The following CGREF1 variants were observed in gnomAD, a reference collection of about 807,000 sequenced individuals.
CGREF1 encodes the protein cell growth regulator with EF-hand domain 1, also known as cell growth regulator with EF hand domain protein 1.
CGREF1 carries 16 observed loss-of-function variants against 17.4 expected under a neutral mutation model. The observed-to-expected ratio is 0.92, with a 90% CI of 0.62 to 1.40. The LOEUF (loss-of-function observed/expected upper bound fraction) is 1.40. CGREF1 is among the 40% of genes most tolerant of loss of function. CGREF1 has a pLI of 0.00. For synonymous variants in CGREF1, 142 were observed against 154.6 expected, an observed-to-expected ratio of 0.92 and a Z score of 0.61; for missense variants, 296 against 376.4, an observed-to-expected ratio of 0.79 and a Z score of 1.77.
chr2:27,110,353 AAT>A (rs1393179328), intron 1 of CGREF1, among the ~76,000 whole-genome samples: 1 of 152,118 alleles, frequency 6.6e-6, no homozygotes, highest in Admixed American at 6.5e-5. Flanking sequence ...AGTAAGCTGC[AAT>A]TATACCACTA....
chr2:27,112,931 G>T (rs1429439099), intron 1 of CGREF1, among the ~76,000 whole-genome samples: 5 of 152,198 alleles, frequency 3.3e-5, no homozygotes, highest in Non-Finnish European at 5.9e-5. Context: ...TCCACCACCT[G>T]GGCCTCAGCA....
intron 1 of CGREF1, among the ~76,000 whole-genome samples, chr2:27,116,876 T>C (rs187428307): frequency 1.4e-3 from 42 of 30,694 alleles, no homozygotes; most frequent in Non-Finnish European, 2.0e-3. Flanking sequence ...GCCTATTCTC[T>C]CTCTCTCTCT....
At chr2:27,112,829 C>A (rs994892220) in intron 1 of CGREF1, among the ~76,000 whole-genome samples, 1 of 152,170 alleles carries the variant, frequency 6.6e-6, no homozygotes, top group Non-Finnish European at 1.5e-5. Context: ...ATGAAATATA[C>A]CACAAATCAC....
intron 1 of CGREF1, among the ~76,000 whole-genome samples, chr2:27,109,575 T>C (rs1671268521): frequency 6.6e-6 from 1 of 151,990 alleles, no homozygotes; most frequent in Non-Finnish European, 1.5e-5. Context: ...GTGGACATAT[T>C]GATGAACTTT....
At chr2:27,112,263 G>T (rs1469506221) in intron 1 of CGREF1, among the ~76,000 whole-genome samples, 1 of 152,044 alleles carries the variant, frequency 6.6e-6, no homozygotes, top group East Asian at 1.9e-4. Flanking sequence ...GTGACAGAGT[G>T]AGACCCCATT....
At chr2:27,100,023 C>T (rs1283224165), downstream of CGREF1, 3 of 664,426 alleles carry the variant, frequency 4.5e-6, no homozygotes, top group East Asian at 8.2e-5. Flanking sequence ...GAGGCTCTGA[C>T]TCTTCGATCC....
At chr2:27,111,989 C>G (rs1042612769) in intron 1 of CGREF1, among the ~76,000 whole-genome samples, 1 of 152,206 alleles carries the variant, frequency 6.6e-6, no homozygotes, top group Admixed American at 6.5e-5. Flanking sequence ...GCGCCGAGAA[C>G]GAGCGAGGGC....
intron 1 of CGREF1, chr2:27,104,592 CAT>C: frequency 6.4e-7 from 1 of 1,550,600 alleles, no homozygotes. Context: ...ATATAAAGCA[CAT>C]AAAGGCAGGC....
intron 1 of CGREF1, among the ~76,000 whole-genome samples, chr2:27,113,395 T>A (rs921106478): frequency 6.6e-6 from 1 of 152,180 alleles, no homozygotes; most frequent in African/African-American, 2.4e-5. Context: ...GGATAAATAT[T>A]CATTTCTTTA....
intron 1 of CGREF1, among the ~76,000 whole-genome samples, chr2:27,116,647 A>G (rs75718723): frequency 6.6e-6 from 1 of 150,926 alleles, no homozygotes. Flanking sequence ...TCAGCTCACC[A>G]CAACCTCCAC....
At chr2:27,106,722 T>G (rs1158891242) in intron 1 of CGREF1, among the ~76,000 whole-genome samples, 1 of 152,238 alleles carries the variant, frequency 6.6e-6, no homozygotes, top group Non-Finnish European at 1.5e-5. Flanking sequence ...GCTCAAGCGA[T>G]TCTCCTGCCT....
chr2:27,103,168 A>G, intron 2 of CGREF1: 1 of 952,046 alleles, frequency 1.1e-6, no homozygotes, highest in Non-Finnish European at 1.3e-6. Flanking sequence ...TGCCCAAGTC[A>G]ATCCAGACCT....
rs759886647 is a variant in CGREF1, at chr2:27,101,580, A to G, written c.651T>C (p.Asp217=). The G allele has an allele frequency of 9.9e-6, 16 of 1,613,580 alleles. No individual in the cohort carries two copies. In the South Asian group the frequency reaches 1.8e-4, roughly 18 times the overall value. Residue 217 remains aspartate (D), a synonymous_variant, in exon 6 of 6, where the codon GAT becomes GAC. Transcript: ENST00000402394. The part of the protein sequence containing the change: ...EPGGQAEADG[D]VPGPRGEAEG... ...CAGCTTCCCCTCTGGGCCCTGGAAC[A>G]TCTCCATCAGCCTCTGCCTGGCCCC...
chr2:27,116,923 C>CTCTCTCTCTTT (rs1259106800), intron 1 of CGREF1, among the ~76,000 whole-genome samples: 1 of 53,016 alleles, frequency 1.9e-5, no homozygotes, highest in Non-Finnish European at 3.6e-5. Flanking sequence ...CTCTCTCTCT[C>CTCTCTCTCTTT]TTTTTTTGAG....
chr2:27,109,938 T>A, intron 1 of CGREF1, among the ~76,000 whole-genome samples: 2 of 127,086 alleles, frequency 1.6e-5, no homozygotes, highest in African/African-American at 6.0e-5. Flanking sequence ...AGGATAACCA[T>A]TAAAAAATTA....
At chr2:27,099,493 G>A (rs1670650131), downstream of CGREF1, 5 of 1,614,168 alleles carry the variant, frequency 3.1e-6, no homozygotes, top group East Asian at 2.2e-5. Context: ...GCTCCACTCG[G>A]ATGCTTTCCC....
chr2:27,102,790 T>G lies in CGREF1; in HGVS notation c.81-199A>C, dbSNP rs563900453. ...CCTTAACTCCCTCAGACTCTGTTTT[T>G]GCAGCTGGCTACCTTAGACTTTAAA... On this transcript the variant is annotated intron_variant, in intron 2 of 5. Transcript: ENST00000402394. 56 of 534,620 alleles carry G rather than the reference T, an allele frequency of 1.0e-4. 2 individuals are homozygous for G. In the South Asian group the frequency reaches 4.4e-3, roughly 42 times the overall value. The allele number at this position is 534,620 out of a possible 1,614,324, so 33.1% of individuals were successfully genotyped here.
chr2:27,118,392 C>T (rs1307361963), intron 1 of CGREF1, among the ~76,000 whole-genome samples: 1 of 152,152 alleles, frequency 6.6e-6, no homozygotes, highest in African/African-American at 2.4e-5. Context: ...CAGCACCCAT[C>T]CCCCAAGAAA....
chr2:27,116,884 T>C (rs1400676957), intron 1 of CGREF1, among the ~76,000 whole-genome samples: 21 of 72,668 alleles, frequency 2.9e-4, no homozygotes, highest in Middle Eastern at 8.9e-3. Flanking sequence ...TCTCTCTCTC[T>C]CTCTCTCTCT....
Sources: allele counts gnomAD v4.1 joint callset (sites outside exome capture counted in the v4.1 genomes callset), GRCh38; gene constraint gnomAD v4.1.1; transcripts MANE v1.5; gene names NCBI Gene and HGNC (gene_info 2026-07-23, HGNC 2026-07-21).